Variants in ZNF140 observed in about 807,000 individuals in gnomAD.
ZNF140 encodes zinc finger protein 140 (clone pHZ-39).
In ZNF140, 13 loss-of-function variants were observed where a neutral mutation model predicts 12.9. That is an observed-to-expected ratio of 1.01 (90% CI 0.66 to 1.60). The LOEUF (loss-of-function observed/expected upper bound fraction) is 1.60. ZNF140 is among the 40% of genes most tolerant of loss of function. The pLI, the probability that ZNF140 is intolerant of heterozygous loss-of-function variation, is 0.00. For synonymous variants in ZNF140, 214 were observed against 186.7 expected (o/e 1.15, Z -1.19); for missense variants, 531 against 548.8 (o/e 0.97, Z 0.32).
At chr12:133,085,493 A>G (rs2137491132) in intron 4 of ZNF140, among the ~76,000 whole-genome samples, 1 of 152,330 alleles carries the variant, frequency 6.6e-6, no homozygotes, top group Middle Eastern at 3.4e-3. Flanking sequence ...GACCAAGGTC[A>G]ATAAACACAA....
Position 133,080,967 on chromosome 12 carries a change from T to G in ZNF140, c.-154T>G, listed in dbSNP as rs58598489. 6.3e-6 allele frequency: 1 copy of G among 159,894 alleles called. No individual in the cohort carries two copies. Among genetic ancestry groups the G allele is most frequent in the Non-Finnish European group, 1.4e-5 (1 of 72,222 alleles). 9.9% of individuals were successfully genotyped at this position (159,894 alleles called of 1,614,324 possible). A position where few individuals can be genotyped will look rare whatever the true frequency, so the allele number is the denominator to read the frequency against. ...TAGGCAACGAAAGGAGCCCTCCCGG[T>G]CTGCGCCGGATGGCCCCGGGCGGTG... On this transcript the variant is annotated 5_prime_UTR_variant, in exon 1 of 5. Transcript: ENST00000355557.
intron 4 of ZNF140, among the ~76,000 whole-genome samples, chr12:133,104,189 T>C (rs1955478889): frequency 1.3e-5 from 2 of 152,210 alleles, no homozygotes; most frequent in Non-Finnish European, 2.9e-5. Flanking sequence ...GTTATAAGAA[T>C]AGTACAAAGA....
chr12:133,104,721 G>T (rs1955518579), intron 4 of ZNF140, among the ~76,000 whole-genome samples: 1 of 152,164 alleles, frequency 6.6e-6, no homozygotes, highest in Admixed American at 6.5e-5. Context: ...TAAAAATGAT[G>T]AAGTCCCTCG....
At chr12:133,099,304 G>A (rs1050653662) in intron 4 of ZNF140, among the ~76,000 whole-genome samples, 3 of 151,868 alleles carry the variant, frequency 2.0e-5, no homozygotes, top group African/African-American at 7.3e-5. Context: ...TCCTTCCTGG[G>A]TAACTGGGAT....
intron 4 of ZNF140, among the ~76,000 whole-genome samples, chr12:133,101,265 T>C (rs1259225366): frequency 6.6e-6 from 1 of 152,192 alleles, no homozygotes; most frequent in Non-Finnish European, 1.5e-5. Context: ...CTTCTGTTCT[T>C]CCTTCTTTTT....
At chr12:133,100,898 G>C (rs928871120) in intron 4 of ZNF140, 1 of 419,304 alleles carries the variant, frequency 2.4e-6, no homozygotes, top group Admixed American at 2.7e-5. Context: ...AGGATGGTGC[G>C]AGACGTCACA....
At chr12:133,090,803 A>G (rs965600909) in intron 4 of ZNF140, among the ~76,000 whole-genome samples, 8 of 136,148 alleles carry the variant, frequency 5.9e-5, no homozygotes, top group South Asian at 2.4e-4. Context: ...CATGTGAGCA[A>G]AAGAATCTAT....
At chr12:133,091,189 C>G (rs1427469198) in intron 4 of ZNF140, among the ~76,000 whole-genome samples, 7 of 150,418 alleles carry the variant, frequency 4.7e-5, no homozygotes, top group South Asian at 2.1e-4. Context: ...TTGGGAGAAA[C>G]CTTGGACAAT....
chr12:133,100,988 TA>T (rs1955326746), intron 4 of ZNF140: 1 of 455,058 alleles, frequency 2.2e-6, no homozygotes, highest in Non-Finnish European at 4.4e-6. Context: ...TGAACAAAGG[TA>T]ACTGAAGTGG....
In ZNF140 at chr12:133,090,684, C is replaced by T. The variant is rs1048993991; in HGVS notation, c.232+7123C>T. Among the ~76,000 whole-genome samples, 37 of 149,428 alleles carry T rather than the reference C, an allele frequency of 2.5e-4. No homozygotes were observed. The East Asian group carries it at 3.4e-3, about 14-fold the overall frequency. The stretch of plus-strand genomic sequence containing the variant: ...CACTCAGCATACCAAGGACCTGCAC[C>T]AGCACCGGCCTCTGAGTTCCCTCAG... On this transcript the variant is annotated intron_variant, in intron 4 of 4. Transcript: ENST00000355557.
At chr12:133,094,411 G>T (rs1040301449) in intron 4 of ZNF140, among the ~76,000 whole-genome samples, 1 of 150,974 alleles carries the variant, frequency 6.6e-6, no homozygotes, top group Non-Finnish European at 1.5e-5. Flanking sequence ...ATAATTAAAA[G>T]CCAATCTTTG....
chr12:133,097,382 G>A (rs887479818), intron 4 of ZNF140, among the ~76,000 whole-genome samples: 4 of 152,038 alleles, frequency 2.6e-5, no homozygotes, highest in South Asian at 2.1e-4. Context: ...GGTGGCTCAC[G>A]CCTGTAATCC....
chr12:133,090,646 C>T (rs932839705), intron 4 of ZNF140, among the ~76,000 whole-genome samples: 8 of 114,616 alleles, frequency 7.0e-5, no homozygotes, highest in Non-Finnish European at 9.9e-5. Flanking sequence ...CAACAGTGGG[C>T]CCAGGGGACC....
chr12:133,106,796 G>T lies in ZNF140; in HGVS notation c.*145G>T. ...TGGCCCACACTTTATTCACCACCCT[G>T]GAGAAAAAAAAACCCAGGAATATGT... On this transcript the variant is annotated 3_prime_UTR_variant, in exon 5 of 5. Coordinates refer to ENST00000355557, the MANE Select transcript of ZNF140 (RefSeq NM_003440.4). The T allele has an allele frequency of 1.5e-6, 1 of 662,370 alleles. No homozygotes were observed. Among genetic ancestry groups the T allele is most frequent in the Non-Finnish European group, 2.3e-6 (1 of 443,416 alleles). The allele number at this position is 662,370 out of a possible 1,614,324, so 41.0% of individuals were successfully genotyped here.
intron 4 of ZNF140, among the ~76,000 whole-genome samples, chr12:133,097,676 G>A (rs967347913): frequency 1.1e-4 from 16 of 151,828 alleles, no homozygotes; most frequent in African/African-American, 3.9e-4. Context: ...TTTCTTTAGA[G>A]ACAGGATCTC....
intron 4 of ZNF140, among the ~76,000 whole-genome samples, chr12:133,093,052 A>C (rs1456835418): frequency 2.0e-5 from 3 of 151,178 alleles, no homozygotes; most frequent in Admixed American, 6.6e-5. Context: ...TGGCATTGAC[A>C]GTAGGTACTT....
intron 4 of ZNF140, among the ~76,000 whole-genome samples, chr12:133,091,457 G>A (rs1348765870): frequency 6.6e-6 from 1 of 151,278 alleles, no homozygotes; most frequent in African/African-American, 2.5e-5. Flanking sequence ...ATTGTTTAAA[G>A]TACAGGTCTT....
At chr12:133,103,816 TCAGTTCACATCTA>T (rs1955456885) in intron 4 of ZNF140, among the ~76,000 whole-genome samples, 1 of 152,240 alleles carries the variant, frequency 6.6e-6, no homozygotes, top group Non-Finnish European at 1.5e-5. Context: ...AAAGAATTAC[TCAGTTCACATCTA>T]CAGAGTTCTT....
chr12:133,082,931 C>A, intron 2 of ZNF140, 172 bp from the exon 3 acceptor site: 1 of 892,170 alleles, frequency 1.1e-6, no homozygotes, highest in Admixed American at 2.9e-5. Context: ...AGTTATACAA[C>A]AAAACACAAG....
Sources: allele counts gnomAD v4.1 joint callset (sites outside exome capture counted in the v4.1 genomes callset), GRCh38; gene constraint gnomAD v4.1.1; transcripts MANE v1.5; gene names NCBI Gene and HGNC (gene_info 2026-07-23, HGNC 2026-07-21).